The following HERC3 variants were observed in gnomAD, a reference collection of about 807,000 sequenced individuals.
HERC3 encodes HECT and RLD domain containing E3 ubiquitin protein ligase 3.
Under a neutral mutation model 129.9 loss-of-function variants are expected in HERC3, and 58 were observed. The ratio of observed to expected loss-of-function variants is 0.45; its 90% CI spans 0.36 to 0.56. The LOEUF is 0.56. HERC3 is among the 20% of genes least tolerant of loss of function. The probability of loss-of-function intolerance (pLI) is 0.00; values close to 1 mark genes in which losing one functional copy is unlikely to be tolerated. For missense variants in HERC3, 835 were observed against 1,244.2 expected, an observed-to-expected ratio of 0.67 and a Z score of 4.95; for synonymous variants, 430 against 451.0, an observed-to-expected ratio of 0.95 and a Z score of 0.59.
At chr4:88,700,908 A>T (rs1344464973) in intron 23 of HERC3, among the ~76,000 whole-genome samples, 1 of 152,146 alleles carries the variant, frequency 6.6e-6, no homozygotes, top group Non-Finnish European at 1.5e-5. Context: ...CCTTCAGCTG[A>T]TTGGATATGG....
At chr4:88,674,531 C>T (rs997871654) in intron 16 of HERC3, among the ~76,000 whole-genome samples, 28 of 152,280 alleles carry the variant, frequency 1.8e-4, no homozygotes, top group African/African-American at 6.5e-4. Flanking sequence ...TAATGCTTTG[C>T]ATAAACTAAT....
At chr4:88,660,206 A>AT (rs551134204) in intron 10 of HERC3, among the ~76,000 whole-genome samples, 6,682 of 145,336 alleles carry the variant, frequency 0.046, 174 homozygotes, top group Middle Eastern at 0.13. Flanking sequence ...TACAGCCTCT[A>AT]TTTTTTTTTT....
chr4:88,649,453 C>A (rs1461553737), intron 3 of HERC3, among the ~76,000 whole-genome samples: 1 of 152,040 alleles, frequency 6.6e-6, no homozygotes, highest in African/African-American at 2.4e-5. Context: ...GGCAGAGTTT[C>A]ACTCACTCCC....
Position 88,653,106 on chromosome 4 carries a change from A to G in HERC3, c.685+16A>G, listed in dbSNP as rs968087273. The G allele has an allele frequency of 3.7e-6, 6 of 1,610,406 alleles. No homozygotes were observed. Among genetic ancestry groups the G allele is most frequent in the Non-Finnish European group, 5.1e-6 (6 of 1,177,038 alleles). On this transcript the variant is annotated intron_variant, in intron 6 of 25. Transcript: ENST00000402738. ...GATGAAAAAGGTAGGTAAACCCTTC[A>G]TATGTATGTATTTAGTTTAAAAGCA... is the stretch of plus-strand genomic sequence containing the variant.
rs753090645 is a variant in HERC3 at position 88,653,094 on chromosome 4, G to C, written c.685+4G>C. 6 of 1,613,514 alleles carry C rather than the reference G, an allele frequency of 3.7e-6. No homozygotes were observed. On this transcript the variant is annotated splice_donor_region_variant and intron_variant, in intron 6 of 25. Coordinates refer to ENST00000402738, the MANE Select transcript of HERC3 (RefSeq NM_014606.3). ...CTAGGGCTCAGTGATGAAAAAGGTAGGTAAACCCTTCATATGTATGTATTT... is the reference window on the plus strand; with the variant it reads ...CTAGGGCTCAGTGATGAAAAAGGTACGTAAACCCTTCATATGTATGTATTT...
chr4:88,557,245 C>A, the HERC3 span, among the ~76,000 whole-genome samples: 1 of 152,172 alleles, frequency 6.6e-6, no homozygotes, highest in African/African-American at 2.4e-5. Flanking sequence ...CTGTTTGTAT[C>A]CATCATTGGA....
At chr4:88,645,007 C>T (rs1014624825) in intron 3 of HERC3, among the ~76,000 whole-genome samples, 1 of 152,084 alleles carries the variant, frequency 6.6e-6, no homozygotes, top group African/African-American at 2.4e-5. Context: ...AAATTAGATA[C>T]CAGGCCATCT....
At chr4:88,657,662 G>A (rs1321407138) in intron 9 of HERC3, among the ~76,000 whole-genome samples, 1 of 152,240 alleles carries the variant, frequency 6.6e-6, no homozygotes, top group African/African-American at 2.4e-5. Context: ...TGTCAGTTAT[G>A]TAAATGACAT....
chr4:88,574,214 C>A, the HERC3 span, among the ~76,000 whole-genome samples: 1 of 152,126 alleles, frequency 6.6e-6, no homozygotes, highest in Non-Finnish European at 1.5e-5. Flanking sequence ...GGGAGTGATA[C>A]GAAGAAGGGA....
the HERC3 span, among the ~76,000 whole-genome samples, chr4:88,538,645 G>C: frequency 1.3e-5 from 2 of 150,776 alleles, no homozygotes; most frequent in East Asian, 3.9e-4. Context: ...CTGGGTTCAC[G>C]CTATTCTCCT....
chr4:88,586,476 A>C, the HERC3 span, among the ~76,000 whole-genome samples: 7 of 150,912 alleles, frequency 4.6e-5, no homozygotes, highest in Admixed American at 6.7e-5. Flanking sequence ...CTCCTGCCTC[A>C]GCCTCCTGAG....
Position 88,649,873 on chromosome 4 carries a change from T to C in HERC3, c.260T>C (p.Ile87Thr). 1 of 1,614,088 alleles carries C rather than the reference T, an allele frequency of 6.2e-7. No individual in the cohort carries two copies. Among genetic ancestry groups the C allele is most frequent in the Non-Finnish European group, 8.5e-7 (1 of 1,179,992 alleles). ...GGAGCTCTGGCAGATCAGCATATCATTCATGTGGCATGTGGCGAGTCCCAC... is the reference window on the plus strand; with the variant it reads ...GGAGCTCTGGCAGATCAGCATATCACTCATGTGGCATGTGGCGAGTCCCAC... ...QIGALADQHI[I>T]HVACGESHSL... The change falls in exon 4 of 26, where the codon ATT becomes ACT. Residue 87 changes from isoleucine (I) to threonine (T), a missense_variant. Ile to Thr is a moderately conservative substitution (Grantham distance 89, BLOSUM62 -1). Transcript: ENST00000402738.
intron 3 of HERC3, among the ~76,000 whole-genome samples, chr4:88,616,280 A>G (rs545489380): frequency 3.7e-4 from 57 of 152,356 alleles, no homozygotes; most frequent in Non-Finnish European, 5.4e-4. Context: ...ACATGCATAC[A>G]TACATCTTCT....
At chr4:88,654,366 A>T (rs1328166850) in intron 7 of HERC3, among the ~76,000 whole-genome samples, 3 of 124,668 alleles carry the variant, frequency 2.4e-5, no homozygotes, top group South Asian at 2.4e-4. Context: ...ATATATATAT[A>T]TATATATATA....
the HERC3 span, among the ~76,000 whole-genome samples, chr4:88,585,518 CTTTT>C: frequency 1.6e-5 from 2 of 122,802 alleles, no homozygotes; most frequent in African/African-American, 2.9e-5. Flanking sequence ...TGATACTTTG[CTTTT>C]TTTTTTTTTT....
chr4:88,596,719 A>G (rs1475957986), intron 2 of HERC3, among the ~76,000 whole-genome samples: 1 of 152,266 alleles, frequency 6.6e-6, no homozygotes, highest in Non-Finnish European at 1.5e-5. Flanking sequence ...AGAAACAACA[A>G]TAAAAGGACA....
At chr4:88,569,987 C>T in the HERC3 span, among the ~76,000 whole-genome samples, 6 of 152,176 alleles carry the variant, frequency 3.9e-5, no homozygotes, top group Non-Finnish European at 1.5e-5. Context: ...GTGCCCACTT[C>T]CTCTTATTTT....
At chr4:88,550,017 G>A in the HERC3 span, among the ~76,000 whole-genome samples, 3 of 152,130 alleles carry the variant, frequency 2.0e-5, no homozygotes, top group African/African-American at 7.2e-5. Flanking sequence ...GCAGGGAAGG[G>A]GAATGGGGTA....
chr4:88,585,787 C>T, the HERC3 span, among the ~76,000 whole-genome samples: 1 of 152,120 alleles, frequency 6.6e-6, no homozygotes, highest in Admixed American at 6.5e-5. Context: ...ACATGTTAAC[C>T]TAAGCTAATG....
Sources: allele counts gnomAD v4.1 joint callset (sites outside exome capture counted in the v4.1 genomes callset), GRCh38; gene constraint gnomAD v4.1.1; transcripts MANE v1.5; gene names NCBI Gene and HGNC (gene_info 2026-07-23, HGNC 2026-07-21).